Variants in LGR6 observed in about 807,000 individuals in gnomAD.
LGR6 encodes leucine rich repeat containing G protein-coupled receptor 6, also known as leucine-rich repeat-containing G protein-coupled receptor 6.
In LGR6, 45 loss-of-function variants were observed where a neutral mutation model predicts 69.4. That is an observed-to-expected ratio of 0.65 (90% CI 0.51 to 0.83). The LOEUF (loss-of-function observed/expected upper bound fraction) is 0.83, where lower values mean the gene tolerates loss of function less well. LGR6 is among the 40% of genes least tolerant of loss of function. The pLI is 0.00. For missense variants in LGR6, 1,108 were observed against 1,246.7 expected (o/e 0.89, Z 1.68); for synonymous variants, 538 against 555.0 (o/e 0.97, Z 0.43).
At chr1:202,211,865 G>C (rs751933392) in intron 1 of LGR6, among the ~76,000 whole-genome samples, 1 of 152,036 alleles carries the variant, frequency 6.6e-6, no homozygotes. Flanking sequence ...AGATAGCAAC[G>C]ATCGTGATTT....
chr1:202,273,884 T>G (rs964553206), intron 4 of LGR6, among the ~76,000 whole-genome samples: 6 of 152,108 alleles, frequency 3.9e-5, no homozygotes, highest in Non-Finnish European at 8.8e-5. Context: ...TGAAATCCTA[T>G]CCTACCTTAA....
intron 6 of LGR6, among the ~76,000 whole-genome samples, chr1:202,289,445 C>T (rs1666631864): frequency 6.6e-6 from 1 of 152,138 alleles, no homozygotes; most frequent in Non-Finnish European, 1.5e-5. Context: ...GGCAGGGCAA[C>T]AAGTAATCTC....
chr1:202,303,760 C>CG (rs1558077625), intron 10 of LGR6, among the ~76,000 whole-genome samples: 1 of 152,130 alleles, frequency 6.6e-6, no homozygotes, highest in East Asian at 1.9e-4. Flanking sequence ...GGAGTGCCGA[C>CG]GCATAGTAGG....
At chr1:202,281,522 G>A (rs1380742009) in intron 6 of LGR6, among the ~76,000 whole-genome samples, 2 of 152,184 alleles carry the variant, frequency 1.3e-5, no homozygotes, top group African/African-American at 4.8e-5. Flanking sequence ...AGTGGGCTGA[G>A]TGGGCCCCAC....
intron 9 of LGR6, among the ~76,000 whole-genome samples, chr1:202,302,490 G>C (rs929597109): frequency 2.1e-4 from 32 of 152,124 alleles, no homozygotes; most frequent in Non-Finnish European, 7.3e-5. Context: ...AATAGGAGAT[G>C]GTGGGAAGGA....
chr1:202,215,153 G>A (rs980851240), intron 1 of LGR6, among the ~76,000 whole-genome samples: 5 of 152,128 alleles, frequency 3.3e-5, no homozygotes, highest in Admixed American at 6.5e-5. Flanking sequence ...TGAATAGAGG[G>A]CTTTCTCCAG....
Position 202,318,217 on chromosome 1 carries a change from G to T in LGR6, c.1914G>T (p.Thr638=). Residue 638 remains threonine, a synonymous_variant, in exon 18 of 18, where the codon ACG becomes ACT. Transcript: ENST00000367278. The part of the protein sequence containing the change: ...QFSEYGARWE[T]GLGCRATGFL... Reference sequence around the variant, plus strand: ...CTGAGTACGGAGCCCGCTGGGAGACGGGGCTAGGCTGCCGGGCCACTGGCT... The same window carrying T: ...CTGAGTACGGAGCCCGCTGGGAGACTGGGCTAGGCTGCCGGGCCACTGGCT... 6.2e-7 allele frequency: 1 copy of T among 1,612,300 alleles called. No individual in the cohort carries two copies. The highest frequency in any genetic ancestry group is 1.1e-5 in the South Asian group (1 of 91,000).
Position 202,268,061 on chromosome 1 carries a change from C to T in LGR6, c.429-8245C>T, listed in dbSNP as rs575886440. Among the ~76,000 whole-genome samples the T allele has an allele frequency of 1.3e-5, 2 of 152,268 alleles. No homozygotes were observed. Among genetic ancestry groups the T allele is most frequent in the East Asian group, 1.9e-4 (1 of 5,180 alleles). ...AGAGGCTGGGAGGGGTGTCAGTCCGCGGGAAGGCAGAAGCTCATGAGCATC... is the reference window on the plus strand; with the variant it reads ...AGAGGCTGGGAGGGGTGTCAGTCCGTGGGAAGGCAGAAGCTCATGAGCATC... On this transcript the variant is annotated intron_variant, in intron 4 of 17. Coordinates refer to ENST00000367278, the MANE Select transcript of LGR6 (RefSeq NM_001017403.2). The surrounding 1 kb of genome is among the most constrained non-coding windows in gnomAD (Gnocchi z 4.4).
intron 4 of LGR6, among the ~76,000 whole-genome samples, chr1:202,253,372 G>A (rs567374384): frequency 2.5e-4 from 38 of 150,708 alleles, no homozygotes; most frequent in African/African-American, 5.1e-4. Context: ...GCGCGATCTC[G>A]GCTCACTGCA....
rs527607127 is a variant in LGR6 at position 202,194,981 on chromosome 1, A to T, written c.212+780A>T. On this transcript the variant is annotated intron_variant, in intron 1 of 17. Coordinates refer to ENST00000367278, the MANE Select transcript of LGR6 (RefSeq NM_001017403.2). ...GGCAGCTGTCCTGTCTGTCTGGCTC[A>T]TGGGAGCTTCCCCTCAGAGCTGGAG... Among the ~76,000 whole-genome samples, 12 of 152,218 alleles carry T rather than the reference A, an allele frequency of 7.9e-5. No homozygotes were observed. The East Asian group carries it at 2.3e-3, about 30-fold the overall frequency.
rs372104886 is a variant in LGR6 at position 202,194,211 on chromosome 1, G to T, written c.212+10G>T. On this transcript the variant is annotated intron_variant, in intron 1 of 17. Coordinates refer to ENST00000367278, the MANE Select transcript of LGR6 (RefSeq NM_001017403.2). ...CCCTGACGGCTTACCTGTGAGTACT[G>T]CCCGCCTGTCCCCGCCTGGTCCTGC... 575 of 1,540,310 alleles carry T rather than the reference G, an allele frequency of 3.7e-4. 3 individuals carry two copies. In the African/African-American group the frequency reaches 6.4e-3, roughly 17 times the overall value.
rs902243375 is a variant in LGR6 at position 202,193,868 on chromosome 1, A to T, written c.-122A>T. On this transcript the variant is annotated 5_prime_UTR_variant, in exon 1 of 18. Transcript: ENST00000367278. ...CCCACCGCCGCCGCCGCCGCCCAAT[A>T]GAGCCCCTGGGGCGGTCCCCACCGA... 8 of 457,550 alleles carry T rather than the reference A, an allele frequency of 1.7e-5. No homozygotes were observed. Among genetic ancestry groups the T allele is most frequent in the African/African-American group, 1.7e-4 (8 of 48,362 alleles). The allele number at this position is 457,550 out of a possible 1,614,324, so 28.3% of individuals were successfully genotyped here.
At position 202,268,535 on chromosome 1, in the gene LGR6, CT is replaced by C. The variant is rs1664855486; in HGVS notation, c.429-7770del. ...TCCAACCAGAGACTGAGATGTCCCC[CT>C]CCCCACCCACATCTTTTCTCTATTC... On this transcript the variant is annotated intron_variant, in intron 4 of 17. Transcript: ENST00000367278. The surrounding 1 kb of genome is among the most constrained non-coding windows in gnomAD (Gnocchi z 4.4). Among the ~76,000 whole-genome samples, 1 of 152,128 alleles carries C rather than the reference CT, an allele frequency of 6.6e-6. No individual in the cohort carries two copies. Among genetic ancestry groups the C allele is most frequent in the Non-Finnish European group, 1.5e-5 (1 of 68,030 alleles).
At chr1:202,309,403 C>T (rs941054139) in intron 15 of LGR6, among the ~76,000 whole-genome samples, 1 of 152,228 alleles carries the variant, frequency 6.6e-6, no homozygotes, top group Admixed American at 6.5e-5. Flanking sequence ...CAAGCTCCAA[C>T]GCTAGTGAGC....
chr1:202,312,848 A>G (rs1022959124), intron 16 of LGR6, among the ~76,000 whole-genome samples: 1 of 152,160 alleles, frequency 6.6e-6, no homozygotes, highest in Non-Finnish European at 1.5e-5. Context: ...CAAAATTCGT[A>G]TAGAATTTGT....
chr1:202,197,316 CAT>C (rs1222518791), intron 1 of LGR6: 5 of 494,602 alleles, frequency 1.0e-5, no homozygotes, highest in Non-Finnish European at 2.1e-5. Context: ...CCTTGACACA[CAT>C]GTCCAAAAAC....
chr1:202,318,155 CT>C lies in LGR6; in HGVS notation c.1853del (p.Leu618GlnfsTer7), dbSNP rs761254280. The C allele has an allele frequency of 6.2e-7, 1 of 1,613,998 alleles. No individual in the cohort carries two copies. The highest frequency in any genetic ancestry group is 8.5e-7 in the Non-Finnish European group (1 of 1,180,026). On this transcript the variant is annotated frameshift_variant, in exon 18 of 18. Transcript: ENST00000367278. LOFTEE classifies it low-confidence loss of function (END_TRUNC). ...CTTGACTGGCATTTCCTGTGGCCTT[CT>C]AGCCTCAGTCGATGCCCTGACCTTT... ...NTLTGISCGL[L>X]ASVDALTFGQ...
chr1:202,280,391 A>T (rs540743494), intron 5 of LGR6, among the ~76,000 whole-genome samples: 1 of 152,124 alleles, frequency 6.6e-6, no homozygotes, highest in Non-Finnish European at 1.5e-5. Context: ...GTTGGCTCCC[A>T]TAAGTACGTC....
At chr1:202,194,740 GC>G (rs1354324522) in intron 1 of LGR6, 16 of 340,984 alleles carry the variant, frequency 4.7e-5, no homozygotes. Flanking sequence ...TGGGAGGGGG[GC>G]CTTATCCACT....
Sources: allele counts gnomAD v4.1 joint callset (sites outside exome capture counted in the v4.1 genomes callset), GRCh38; gene constraint gnomAD v4.1.1; non-coding constraint Gnocchi (gnomAD v3.1); transcripts MANE v1.5; gene names NCBI Gene and HGNC (gene_info 2026-07-23, HGNC 2026-07-21).